Variants in GFOD1 observed in about 807,000 individuals in gnomAD.
GFOD1 encodes the protein Gfo/Idh/MocA-like oxidoreductase domain containing 1, also known as glucose-fructose oxidoreductase domain-containing protein 1.
A neutral mutation model predicts 25.4 loss-of-function variants in GFOD1; 9 were observed. The ratio of observed to expected loss-of-function variants is 0.35; its 90% CI spans 0.21 to 0.62. The LOEUF (loss-of-function observed/expected upper bound fraction) is 0.62. Ranked by LOEUF, GFOD1 falls within the 20% of genes least tolerant of loss-of-function variation. The pLI is 0.72. For synonymous variants in GFOD1, 253 were observed against 245.6 expected (o/e 1.03, Z -0.28); for missense variants, 403 against 556.9 (o/e 0.72, Z 2.78).
At position 13,375,052 on chromosome 6, in the gene GFOD1, C is replaced by A. The variant is rs61533038; in HGVS notation, c.254-9390G>T. Reference sequence around the variant, plus strand: ...ACCACTGCACCCATGCCAAAGAAATCAAATCTTTATGATTTCTTTGTGTTG... The same window carrying A: ...ACCACTGCACCCATGCCAAAGAAATAAAATCTTTATGATTTCTTTGTGTTG... On this transcript the variant is annotated intron_variant, in intron 1 of 1. Coordinates refer to ENST00000379287, the MANE Select transcript of GFOD1 (RefSeq NM_018988.4). 2.6e-5 allele frequency among the ~76,000 whole-genome samples: 4 copies of A among 152,220 alleles called. No homozygotes were observed. In the South Asian group the frequency reaches 8.3e-4, roughly 32 times the overall value.
At chr6:13,433,884 T>C (rs1341206996) in intron 1 of GFOD1, among the ~76,000 whole-genome samples, 1 of 152,200 alleles carries the variant, frequency 6.6e-6, no homozygotes, top group Admixed American at 6.5e-5. Flanking sequence ...CCCGTACAGA[T>C]CACCTGTTCC....
chr6:13,443,672 T>C (rs1464392813), intron 1 of GFOD1, among the ~76,000 whole-genome samples: 1 of 151,696 alleles, frequency 6.6e-6, no homozygotes, highest in African/African-American at 2.4e-5. Context: ...AAAAATTAGC[T>C]GGGCATGGTG....
intron 1 of GFOD1, among the ~76,000 whole-genome samples, chr6:13,437,528 T>C (rs1757852537): frequency 6.6e-6 from 1 of 152,242 alleles, no homozygotes; most frequent in Non-Finnish European, 1.5e-5. Context: ...TCTTATCTTC[T>C]TTTAATTAAT....
chr6:13,420,572 GA>G (rs1230727542), intron 1 of GFOD1, among the ~76,000 whole-genome samples: 2 of 152,192 alleles, frequency 1.3e-5, no homozygotes, highest in Non-Finnish European at 2.9e-5. Flanking sequence ...TGACCTCCCT[GA>G]GACAAAAGGC....
At position 13,462,504 on chromosome 6, in the gene GFOD1, T is replaced by C. The variant is rs142274379; in HGVS notation, c.253+24134A>G. Reference sequence around the variant, plus strand: ...AATTCATCTTCAGTCCGGTCAACTGTGAGCACCTGGGAGAAGGAAGTGCTT... The same window carrying C: ...AATTCATCTTCAGTCCGGTCAACTGCGAGCACCTGGGAGAAGGAAGTGCTT... On this transcript the variant is annotated intron_variant, in intron 1 of 1. Transcript: ENST00000379287. Among the ~76,000 whole-genome samples the C allele has an allele frequency of 5.2e-4, 79 of 152,304 alleles. 1 individual carries two copies. The highest frequency in any genetic ancestry group is 6.8e-3 in the Middle Eastern group (2 of 294).
In GFOD1 at chr6:13,487,316, G is replaced by C. The variant is rs777110948; in HGVS notation, c.-426C>G. ...CCCGGGACCGGCTCTCTCCCGCGTC[G>C]TTTGCGCAGCCGGCGAATCGCACAG... On this transcript the variant is annotated 5_prime_UTR_variant, in exon 1 of 2. Coordinates refer to ENST00000379287, the MANE Select transcript of GFOD1 (RefSeq NM_018988.4). This position sits in a 1 kb window ranked among gnomAD's most constrained non-coding sequence, Gnocchi z 4.9. 1 of 174,114 alleles carries C rather than the reference G, an allele frequency of 5.7e-6. No homozygotes were observed. Among genetic ancestry groups the C allele is most frequent in the African/African-American group, 2.4e-5 (1 of 42,236 alleles). 10.8% of individuals were successfully genotyped at this position (174,114 alleles called of 1,614,324 possible).
intron 1 of GFOD1, among the ~76,000 whole-genome samples, chr6:13,459,226 C>T (rs537142665): frequency 2.0e-5 from 3 of 152,050 alleles, no homozygotes; most frequent in Admixed American, 6.6e-5. Flanking sequence ...ATCTAATCTT[C>T]GACAAACCTG....
chr6:13,388,259 A>C (rs1440377240), intron 1 of GFOD1, among the ~76,000 whole-genome samples: 1 of 152,240 alleles, frequency 6.6e-6, no homozygotes, highest in Non-Finnish European at 1.5e-5. Context: ...ATTGGAAAAA[A>C]CTACTTTAAA....
At chr6:13,377,947 T>C (rs541290700) in intron 1 of GFOD1, among the ~76,000 whole-genome samples, 10 of 152,262 alleles carry the variant, frequency 6.6e-5, no homozygotes, top group Admixed American at 4.6e-4. Flanking sequence ...ATCAATGAGA[T>C]TGTGTCCCCA....
Position 13,430,785 on chromosome 6 carries a change from CT to C in GFOD1, c.253+55852del, listed in dbSNP as rs1253184464. On this transcript the variant is annotated intron_variant, in intron 1 of 1. Coordinates refer to ENST00000379287, the MANE Select transcript of GFOD1 (RefSeq NM_018988.4). This position sits in a 1 kb window ranked among gnomAD's most constrained non-coding sequence, Gnocchi z 4.1. The stretch of plus-strand genomic sequence containing the variant: ...GGGTGGTCTGCCCTACTCCCTCCTC[CT>C]CCTGTCAGGCTCGCTACCAAACTCT... Among the ~76,000 whole-genome samples the C allele has an allele frequency of 6.6e-6, 1 of 152,114 alleles. No homozygotes were observed. Among genetic ancestry groups the C allele is most frequent in the East Asian group, 1.9e-4 (1 of 5,186 alleles).
At chr6:13,443,737 AC>A (rs1757954834) in intron 1 of GFOD1, among the ~76,000 whole-genome samples, 1 of 150,186 alleles carries the variant, frequency 6.7e-6, no homozygotes, top group Non-Finnish European at 1.5e-5. Context: ...AATTGCTTGG[AC>A]CCAGGAGGCA....
chr6:13,442,061 G>A (rs937151049), intron 1 of GFOD1, among the ~76,000 whole-genome samples: 6 of 152,180 alleles, frequency 3.9e-5, no homozygotes, highest in African/African-American at 9.7e-5. Flanking sequence ...GGAAACTAGA[G>A]CACCTGGGGA....
intron 1 of GFOD1, among the ~76,000 whole-genome samples, chr6:13,375,873 ACTTTCGAATTTCTGTTACCTTATT>A (rs1785245349): frequency 6.6e-6 from 1 of 152,186 alleles, no homozygotes; most frequent in African/African-American, 2.4e-5. Flanking sequence ...CTCCTGAAAC[ACTTTCGAATTTCTGTTACCTTATT>A]GGTAAATCCC....
At chr6:13,410,962 GA>G (rs955212319) in intron 1 of GFOD1, among the ~76,000 whole-genome samples, 2 of 152,172 alleles carry the variant, frequency 1.3e-5, no homozygotes, top group African/African-American at 4.8e-5. Context: ...GATGCAGAAG[GA>G]AAGCTTTCAA....
intron 1 of GFOD1, among the ~76,000 whole-genome samples, chr6:13,447,268 G>T (rs1317252486): frequency 1.3e-5 from 2 of 152,164 alleles, no homozygotes. Context: ...GTAGTTTGCT[G>T]GCAATCGTTG....
intron 1 of GFOD1, among the ~76,000 whole-genome samples, chr6:13,390,036 C>T (rs1207454168): frequency 6.6e-6 from 1 of 152,060 alleles, no homozygotes; most frequent in African/African-American, 2.4e-5. Context: ...CATTGTGCCA[C>T]TCTTCTCCAA....
At chr6:13,444,533 T>A (rs988864482) in intron 1 of GFOD1, among the ~76,000 whole-genome samples, 16 of 152,034 alleles carry the variant, frequency 1.1e-4, no homozygotes, top group Non-Finnish European at 2.2e-4. Flanking sequence ...CTCTAGAGTT[T>A]AAAAAAAATC....
chr6:13,386,908 A>C (rs748956008), intron 1 of GFOD1, among the ~76,000 whole-genome samples: 23 of 152,146 alleles, frequency 1.5e-4, no homozygotes, highest in Non-Finnish European at 2.8e-4. Flanking sequence ...TAGGGTCAAG[A>C]AGTTTGGGAA....
At chr6:13,421,314 C>A (rs1786253296) in intron 1 of GFOD1, among the ~76,000 whole-genome samples, 2 of 152,058 alleles carry the variant, frequency 1.3e-5, no homozygotes, top group African/African-American at 2.4e-5. Context: ...ACGGCAAGAC[C>A]CCATCTCTAT....
Sources: allele counts gnomAD v4.1 joint callset (sites outside exome capture counted in the v4.1 genomes callset), GRCh38; gene constraint gnomAD v4.1.1; non-coding constraint Gnocchi (gnomAD v3.1); transcripts MANE v1.5; gene names NCBI Gene and HGNC (gene_info 2026-07-23, HGNC 2026-07-21).